The following GOLPH3 variants were observed in gnomAD, a reference collection of about 807,000 sequenced individuals.
The protein encoded by GOLPH3 is golgi phosphoprotein 3, also known as coat protein GPP34.
Under a neutral mutation model 28.5 loss-of-function variants are expected in GOLPH3, and 14 were observed. The observed-to-expected ratio is 0.49, with a 90% CI of 0.32 to 0.77. GOLPH3 has a LOEUF of 0.77. GOLPH3 is among the 30% of genes least tolerant of loss of function. The pLI is 0.03. For missense variants in GOLPH3, 350 were observed against 393.7 expected (o/e 0.89, Z 0.94); for synonymous variants, 158 against 159.2 (o/e 0.99, Z 0.06).
chr5:32,172,447 A>T (rs1746857299), intron 1 of GOLPH3, among the ~76,000 whole-genome samples: 1 of 151,444 alleles, frequency 6.6e-6, no homozygotes, highest in South Asian at 2.1e-4. Context: ...TTGTAATTTC[A>T]GCACTTTGGG....
chr5:32,134,071 A>C (rs1161789851), intron 3 of GOLPH3, among the ~76,000 whole-genome samples: 1 of 152,208 alleles, frequency 6.6e-6, no homozygotes. Flanking sequence ...TTAATTTTTA[A>C]ATAAACAAAT....
intron 1 of GOLPH3, among the ~76,000 whole-genome samples, chr5:32,166,750 T>G (rs1746719499): frequency 6.7e-6 from 1 of 149,806 alleles, no homozygotes; most frequent in Admixed American, 6.7e-5. Context: ...GGAGTTGCAG[T>G]GGGCCAAGAC....
chr5:32,141,162 C>CGAA (rs1746052238), intron 2 of GOLPH3, among the ~76,000 whole-genome samples: 1 of 116,192 alleles, frequency 8.6e-6, no homozygotes, highest in African/African-American at 3.3e-5. Context: ...GACTCAGTCT[C>CGAA]AAAAAAAAAA....
At chr5:32,173,736 T>G in intron 1 of GOLPH3, 74 bp downstream of exon 1, 1 of 1,108,856 alleles carries the variant, frequency 9.0e-7, no homozygotes, top group South Asian at 3.1e-5. Context: ...GGCGCTCACC[T>G]GGCACCTACC....
At position 32,126,204 on chromosome 5, in the gene GOLPH3, G is replaced by T; in HGVS notation, c.*8C>A. Reference sequence around the variant, plus strand: ...GAGAGAAAGGAGAATGGTTCACCCCGAGCAGAGTTACTTGGTGAACGCCGC... The same window carrying T: ...GAGAGAAAGGAGAATGGTTCACCCCTAGCAGAGTTACTTGGTGAACGCCGC... On this transcript the variant is annotated 3_prime_UTR_variant, in exon 4 of 4. Transcript: ENST00000265070. The T allele has an allele frequency of 1.2e-6, 2 of 1,605,286 alleles. No homozygotes were observed. The highest frequency in any genetic ancestry group is 2.2e-5 in the South Asian group (2 of 90,670).
intron 1 of GOLPH3, among the ~76,000 whole-genome samples, chr5:32,161,210 T>A (rs1002469966): frequency 6.7e-6 from 1 of 150,320 alleles, no homozygotes; most frequent in African/African-American, 2.5e-5. Flanking sequence ...TGAGACCAAC[T>A]TGGGCAACAC....
At chr5:32,133,854 A>G (rs999960695) in intron 3 of GOLPH3, among the ~76,000 whole-genome samples, 1 of 152,216 alleles carries the variant, frequency 6.6e-6, no homozygotes, top group Non-Finnish European at 1.5e-5. Flanking sequence ...GACAACTCTA[A>G]TAAGCATAAA....
At chr5:32,144,746 A>G (rs1487940573) in intron 1 of GOLPH3, among the ~76,000 whole-genome samples, 1 of 152,216 alleles carries the variant, frequency 6.6e-6, no homozygotes, top group Non-Finnish European at 1.5e-5. Flanking sequence ...TCCACAGTGG[A>G]AGAACGGCCA....
chr5:32,130,871 C>G (rs896035833), intron 3 of GOLPH3, among the ~76,000 whole-genome samples: 3 of 152,160 alleles, frequency 2.0e-5, no homozygotes, highest in Admixed American at 1.3e-4. Context: ...CATATTGCAA[C>G]CAGTGGAAAT....
intron 3 of GOLPH3, among the ~76,000 whole-genome samples, 197 bp downstream of exon 3, chr5:32,135,375 A>G (rs748599854): frequency 2.8e-4 from 43 of 152,360 alleles, no homozygotes; most frequent in Middle Eastern, 3.4e-3. Flanking sequence ...TTCGCATTCT[A>G]TATCTGTTCA....
chr5:32,171,662 T>C (rs913693665), intron 1 of GOLPH3, among the ~76,000 whole-genome samples: 6 of 152,126 alleles, frequency 3.9e-5, no homozygotes, highest in Non-Finnish European at 8.8e-5. Context: ...AGAAAAATGT[T>C]TATGGCCGGG....
Position 32,125,294 on chromosome 5 carries a change from G to C in GOLPH3, c.*918C>G, listed in dbSNP as rs1471536399. 2 of 152,562 alleles carry C rather than the reference G, an allele frequency of 1.3e-5. No homozygotes were observed. The highest frequency in any genetic ancestry group is 2.9e-5 in the Non-Finnish European group (2 of 68,034). 9.5% of individuals were successfully genotyped at this position (152,562 alleles called of 1,614,324 possible). On this transcript the variant is annotated 3_prime_UTR_variant, in exon 4 of 4. Coordinates refer to ENST00000265070, the MANE Select transcript of GOLPH3 (RefSeq NM_022130.4). ...CTTCCCAATAGAAATTATAAAAACA[G>C]TAAGATAAAATTTAAAAAAAATCTA...
intron 2 of GOLPH3, among the ~76,000 whole-genome samples, chr5:32,142,649 G>T (rs575524703): frequency 6.8e-6 from 1 of 145,992 alleles, no homozygotes; most frequent in Non-Finnish European, 1.5e-5. Flanking sequence ...GGAGGGAGGT[G>T]GGGGGGTCAG....
chr5:32,148,170 T>C (rs1045627451), intron 1 of GOLPH3, among the ~76,000 whole-genome samples: 2 of 152,210 alleles, frequency 1.3e-5, no homozygotes, highest in African/African-American at 4.8e-5. Context: ...TGTTGCCATG[T>C]AAAATGTGGG....
rs576160552 is a variant in GOLPH3 at position 32,160,777 on chromosome 5, G to C, written c.225+13033C>G. ...AACACAAACATGAAGACCTAAAAAA[G>C]TAATCATGGGCCAGGCGCGGTGGCT... On this transcript the variant is annotated intron_variant, in intron 1 of 3. Transcript: ENST00000265070. Among the ~76,000 whole-genome samples the C allele has an allele frequency of 3.9e-4, 60 of 152,310 alleles. No homozygotes were observed. In the Middle Eastern group the frequency reaches 0.01, roughly 26 times the overall value.
chr5:32,137,111 C>T (rs1745950763), intron 2 of GOLPH3, among the ~76,000 whole-genome samples: 1 of 151,752 alleles, frequency 6.6e-6, no homozygotes, highest in South Asian at 2.1e-4. Context: ...AGGTGTGTGC[C>T]ACCACGCCTG....
In GOLPH3 at chr5:32,174,267, C is replaced by T. The variant is rs1317911942; in HGVS notation, c.-233G>A. ...CGCCTTCCTGCCTGTGGCCGCAGTC[C>T]CCGAAACACCCCGAGCTCCAAGGCG... is the stretch of plus-strand genomic sequence containing the variant. On this transcript the variant is annotated 5_prime_UTR_variant, in exon 1 of 4. Coordinates refer to ENST00000265070, the MANE Select transcript of GOLPH3 (RefSeq NM_022130.4). 5.6e-6 allele frequency: 2 copies of T among 354,788 alleles called. No homozygotes were observed. The highest frequency in any genetic ancestry group is 1.0e-5 in the Non-Finnish European group (2 of 198,694). The allele number at this position is 354,788 out of a possible 1,614,324, so 22.0% of individuals were successfully genotyped here.
chr5:32,153,407 G>A (rs1394512399), intron 1 of GOLPH3, among the ~76,000 whole-genome samples: 1 of 148,774 alleles, frequency 6.7e-6, no homozygotes, highest in Non-Finnish European at 1.5e-5. Flanking sequence ...ATAATTATAT[G>A]CACTGAAAAC....
chr5:32,145,409 T>C (rs978437956), intron 1 of GOLPH3, among the ~76,000 whole-genome samples: 2 of 152,194 alleles, frequency 1.3e-5, no homozygotes, highest in Non-Finnish European at 2.9e-5. Flanking sequence ...CAGTACTTTA[T>C]AGAGGTTAGG....
Sources: gnomAD v4.1 joint callset for allele counts (sites outside exome capture counted in the v4.1 genomes callset) on GRCh38, gnomAD v4.1.1 for gene constraint, MANE v1.5 for transcripts, NCBI Gene and HGNC (gene_info 2026-07-23, HGNC 2026-07-21) for gene names.